Variants in ADAM12 observed in about 807,000 individuals in gnomAD.
ADAM12 encodes the protein ADAM metallopeptidase domain 12.
A neutral mutation model predicts 106.4 loss-of-function variants in ADAM12; 70 were observed. That is an observed-to-expected ratio of 0.66 (90% confidence interval 0.54 to 0.80). The LOEUF (loss-of-function observed/expected upper bound fraction) is 0.80, where lower values mean the gene tolerates loss of function less well. Among genes scored for constraint, ADAM12 ranks in the 30% least tolerant of loss-of-function variants. ADAM12 has a pLI of 0.00. For missense variants in ADAM12, 1,010 were observed against 1,171.9 expected, an observed-to-expected ratio of 0.86 and a Z score of 2.02; for synonymous variants, 420 against 433.5, an observed-to-expected ratio of 0.97 and a Z score of 0.39.
chr10:126,267,289 A>G (rs1959115536), intron 3 of ADAM12, among the ~76,000 whole-genome samples: 1 of 152,132 alleles, frequency 6.6e-6, no homozygotes, highest in African/African-American at 2.4e-5. Context: ...CATGGAAGAC[A>G]ATTTTTCCAT....
Position 126,050,286 on chromosome 10 carries a change from C to G in ADAM12, c.1610-617G>C, listed in dbSNP as rs145775485. Among the ~76,000 whole-genome samples the G allele has an allele frequency of 3.6e-3, 552 of 152,266 alleles. 2 individuals are homozygous for G. Among genetic ancestry groups the G allele is most frequent in the African/African-American group, 0.012 (498 of 41,546 alleles). On this transcript the variant is annotated intron_variant, in intron 14 of 22. Transcript: ENST00000448723. ...CTATGTACAACATGACGGTTCCCAG[C>G]AAAGAGGGTCATGGCAGCCAGAGAG...
chr10:126,076,975 T>A (rs1955113788), intron 11 of ADAM12, among the ~76,000 whole-genome samples: 1 of 152,214 alleles, frequency 6.6e-6, no homozygotes, highest in Non-Finnish European at 1.5e-5. Flanking sequence ...CTCTCTTTGC[T>A]GACAATATAA....
chr10:126,297,679 C>T (rs747832899), intron 2 of ADAM12, among the ~76,000 whole-genome samples: 1 of 152,132 alleles, frequency 6.6e-6, no homozygotes, highest in Admixed American at 6.5e-5. Context: ...GACCTAACTT[C>T]CCACTAAAAA....
intron 4 of ADAM12, among the ~76,000 whole-genome samples, 159 bp from the exon 5 acceptor site, chr10:126,135,819 C>T (rs1241538916): frequency 5.9e-5 from 9 of 152,188 alleles, no homozygotes; most frequent in Admixed American, 5.9e-4. Flanking sequence ...ATGACCCAGC[C>T]AGGGTCTATG....
chr10:126,224,094 G>A (rs1958147358), intron 3 of ADAM12, among the ~76,000 whole-genome samples: 1 of 152,116 alleles, frequency 6.6e-6, no homozygotes, highest in African/African-American at 2.4e-5. Context: ...TCCTGGGGAG[G>A]GGGCCTGGGG....
intron 3 of ADAM12, among the ~76,000 whole-genome samples, chr10:126,224,021 T>C (rs1407362870): frequency 6.6e-6 from 1 of 152,136 alleles, no homozygotes; most frequent in Admixed American, 6.5e-5. Context: ...CCCGGCACTG[T>C]CCTCTCAGAG....
chr10:126,310,288 G>A (rs989831615), intron 2 of ADAM12, among the ~76,000 whole-genome samples: 9 of 152,132 alleles, frequency 5.9e-5, no homozygotes, highest in Non-Finnish European at 1.2e-4. Flanking sequence ...AAGGCTGGTG[G>A]AGAACAGGAG....
chr10:126,174,913 C>A (rs148918989), intron 3 of ADAM12, among the ~76,000 whole-genome samples: 3 of 152,056 alleles, frequency 2.0e-5, no homozygotes, highest in Non-Finnish European at 4.4e-5. Flanking sequence ...CCACCACGCC[C>A]GGCTAATTTT....
At chr10:126,330,530 C>T (rs1854474975) in intron 1 of ADAM12, 21 bp from the exon 2 acceptor site, 1 of 1,598,270 alleles carries the variant, frequency 6.3e-7, no homozygotes, top group Non-Finnish European at 8.5e-7. Context: ...AGGAAAACAG[C>T]CCTATATTTC....
chr10:126,101,685 G>A (rs1162183941), intron 8 of ADAM12, among the ~76,000 whole-genome samples: 1 of 152,184 alleles, frequency 6.6e-6, no homozygotes, highest in Non-Finnish European at 1.5e-5. Context: ...CTGCTTATTA[G>A]TTACTGAAAA....
chr10:126,230,656 C>CCACATATT (rs1958292936), intron 3 of ADAM12, among the ~76,000 whole-genome samples: 1 of 152,138 alleles, frequency 6.6e-6, no homozygotes, highest in Non-Finnish European at 1.5e-5. Context: ...GAATGTTTTC[C>CCACATATT]CACATATTCA....
At chr10:126,292,934 A>G (rs1960219148) in intron 2 of ADAM12, among the ~76,000 whole-genome samples, 1 of 152,238 alleles carries the variant, frequency 6.6e-6, no homozygotes, top group Non-Finnish European at 1.5e-5. Context: ...AACAGATATC[A>G]TTGCGCCCAC....
chr10:126,023,845 T>C (rs1953815964), intron 21 of ADAM12, among the ~76,000 whole-genome samples: 1 of 151,332 alleles, frequency 6.6e-6, no homozygotes, highest in Non-Finnish European at 1.5e-5. Flanking sequence ...AATAGCCCTT[T>C]ATGGAAGAAC....
chr10:126,298,391 C>T (rs1960472573), intron 2 of ADAM12, among the ~76,000 whole-genome samples: 1 of 152,146 alleles, frequency 6.6e-6, no homozygotes, highest in Admixed American at 6.6e-5. Flanking sequence ...CTGGAAAATA[C>T]AACTCAATGA....
intron 3 of ADAM12, among the ~76,000 whole-genome samples, chr10:126,275,498 G>T (rs1016523714): frequency 6.6e-6 from 1 of 152,182 alleles, no homozygotes; most frequent in Admixed American, 6.5e-5. Context: ...GTGCCATGAA[G>T]AATCGGTTCA....
At chr10:126,387,731 G>A (rs1381220936) in intron 1 of ADAM12, among the ~76,000 whole-genome samples, 2 of 152,246 alleles carry the variant, frequency 1.3e-5, no homozygotes, top group African/African-American at 2.4e-5. Context: ...GCATCGTCCC[G>A]AGTGACACGT....
intron 3 of ADAM12, among the ~76,000 whole-genome samples, chr10:126,193,904 G>GAAATAAAATAAAATAAAATAAAATA (rs142749355): frequency 0.024 from 3,425 of 145,166 alleles, 162 homozygotes; most frequent in African/African-American, 0.083. Context: ...GAAATAAAAT[G>GAAATAAAATAAAATAAAATAAAATA]AAATAAAATA....
chr10:126,221,473 A>G (rs1958093787), intron 3 of ADAM12, among the ~76,000 whole-genome samples: 1 of 152,208 alleles, frequency 6.6e-6, no homozygotes, highest in African/African-American at 2.4e-5. Context: ...TGGATGTAAC[A>G]TGCATACAAA....
At chr10:126,100,962 G>T in intron 9 of ADAM12, 110 bp downstream of exon 9, 1 of 1,190,036 alleles carries the variant, frequency 8.4e-7, no homozygotes, top group Non-Finnish European at 1.2e-6. Flanking sequence ...CTTGCACAAG[G>T]CAGTGTGCTC....
Sources: gnomAD v4.1 joint callset for allele counts (sites outside exome capture counted in the v4.1 genomes callset) on GRCh38, gnomAD v4.1.1 for gene constraint, MANE v1.5 for transcripts, NCBI Gene and HGNC (gene_info 2026-07-23, HGNC 2026-07-21) for gene names.